The following GRID1 variants were observed in gnomAD, a reference collection of about 807,000 sequenced individuals.
The protein encoded by GRID1 is glutamate ionotropic receptor delta type subunit 1.
A neutral mutation model predicts 98.0 loss-of-function variants in GRID1; 28 were observed. The observed-to-expected ratio is 0.29, with a 90% CI of 0.21 to 0.39. The LOEUF (loss-of-function observed/expected upper bound fraction) is 0.39. Ranked by LOEUF, GRID1 falls within the 10% of genes least tolerant of loss-of-function variation. The pLI, the probability that GRID1 is intolerant of heterozygous loss-of-function variation, is 1.00. For synonymous variants in GRID1, 553 were observed against 538.5 expected, an observed-to-expected ratio of 1.03 and a Z score of -0.37; for missense variants, 1,111 against 1,340.5, an observed-to-expected ratio of 0.83 and a Z score of 2.67.
At chr10:85,813,933 G>A (rs1031661244) in intron 8 of GRID1, among the ~76,000 whole-genome samples, 10 of 151,586 alleles carry the variant, frequency 6.6e-5, no homozygotes, top group African/African-American at 2.2e-4. Context: ...TTAATGCTAC[G>A]TAAATCCCTT....
In GRID1 at chr10:86,173,451, AT is replaced by A. The variant is rs536427725; in HGVS notation, c.520+32912del. On this transcript the variant is annotated intron_variant, in intron 3 of 15. Coordinates refer to ENST00000327946, the MANE Select transcript of GRID1 (RefSeq NM_017551.3). ...TTCACATCTTCCCATGGTCACACAC[AT>A]TTTTTTTTATAATTTTTTCAAATCA... 3.2e-3 allele frequency among the ~76,000 whole-genome samples: 482 copies of A among 151,666 alleles called. 2 individuals are homozygous for A. Among genetic ancestry groups the A allele is most frequent in the African/African-American group, 0.011 (449 of 41,370 alleles).
intron 8 of GRID1, among the ~76,000 whole-genome samples, chr10:85,752,698 T>C (rs912507818): frequency 1.8e-4 from 28 of 152,334 alleles, no homozygotes; most frequent in African/African-American, 6.7e-4. Flanking sequence ...ACTGTTATTT[T>C]TTCTACCTCA....
Position 85,831,443 on chromosome 10 carries a change from A to T in GRID1, c.1233+23053T>A, listed in dbSNP as rs534567043. On this transcript the variant is annotated intron_variant, in intron 8 of 15. Transcript: ENST00000327946. The stretch of plus-strand genomic sequence containing the variant: ...TACCCCTGAAGCTAAAATAAGTTTT[A>T]TAAGATATAAAATAAAAATAAGAAA... Among the ~76,000 whole-genome samples, 28 of 149,276 alleles carry T rather than the reference A, an allele frequency of 1.9e-4. No individual in the cohort carries two copies. In the South Asian group the frequency reaches 6.0e-3, roughly 32 times the overall value.
At chr10:86,256,627 T>C (rs1398787698) in intron 2 of GRID1, among the ~76,000 whole-genome samples, 2 of 152,178 alleles carry the variant, frequency 1.3e-5, no homozygotes, top group African/African-American at 2.4e-5. Flanking sequence ...CATATATGTA[T>C]ATATAATTCA....
chr10:85,751,846 T>C (rs1186127328), intron 8 of GRID1, among the ~76,000 whole-genome samples: 1 of 152,170 alleles, frequency 6.6e-6, no homozygotes, highest in Admixed American at 6.5e-5. Flanking sequence ...TTGATGTGCT[T>C]TTATAATGAG....
intron 5 of GRID1, among the ~76,000 whole-genome samples, chr10:85,901,768 T>C (rs914077052): frequency 1.3e-5 from 2 of 152,188 alleles, no homozygotes; most frequent in Non-Finnish European, 2.9e-5. Context: ...CACTTCTTCC[T>C]CGGTCCTGCT....
At chr10:85,781,020 A>T (rs1276977967) in intron 8 of GRID1, among the ~76,000 whole-genome samples, 1 of 152,216 alleles carries the variant, frequency 6.6e-6, no homozygotes, top group Non-Finnish European at 1.5e-5. Flanking sequence ...CCAAGCAGCC[A>T]CTGGGCTCAG....
chr10:85,767,568 G>A (rs1842209927), intron 8 of GRID1, among the ~76,000 whole-genome samples: 1 of 152,208 alleles, frequency 6.6e-6, no homozygotes, highest in Non-Finnish European at 1.5e-5. Flanking sequence ...TCATTTTGCT[G>A]AAGTTTTGGG....
At chr10:85,648,706 TTATCTCCCTCCTC>T (rs1310231918) in intron 12 of GRID1, among the ~76,000 whole-genome samples, 1 of 152,170 alleles carries the variant, frequency 6.6e-6, no homozygotes, top group African/African-American at 2.4e-5. Flanking sequence ...TGGAATCCCT[TTATCTCCCTCCTC>T]TAACAACACC....
intron 8 of GRID1, among the ~76,000 whole-genome samples, chr10:85,749,794 A>T (rs577209694): frequency 1.3e-5 from 2 of 152,100 alleles, no homozygotes; most frequent in Admixed American, 1.3e-4. Context: ...CCCTAGAACT[A>T]CTCTTAATAG....
chr10:85,690,540 A>T (rs565371797), intron 12 of GRID1, among the ~76,000 whole-genome samples: 1 of 152,314 alleles, frequency 6.6e-6, no homozygotes, highest in East Asian at 1.9e-4. Flanking sequence ...TGAAATCAAG[A>T]CATACCAGGT....
chr10:85,757,472 C>T (rs1342917713), intron 8 of GRID1, among the ~76,000 whole-genome samples: 1 of 152,196 alleles, frequency 6.6e-6, no homozygotes, highest in Non-Finnish European at 1.5e-5. Flanking sequence ...ATAATGATCT[C>T]TGATCAGGGA....
chr10:85,927,194 T>C (rs1196240806), intron 4 of GRID1, among the ~76,000 whole-genome samples: 1 of 152,234 alleles, frequency 6.6e-6, no homozygotes, highest in Non-Finnish European at 1.5e-5. Context: ...CAGCAGGTCC[T>C]GGCACACAAA....
intron 8 of GRID1, among the ~76,000 whole-genome samples, chr10:85,827,410 T>C (rs190640349): frequency 1.5e-4 from 23 of 152,170 alleles, no homozygotes; most frequent in Admixed American, 1.5e-3. Context: ...TTCTCTTAAT[T>C]AAATCAGTCA....
chr10:85,612,484 T>G (rs573028458), intron 15 of GRID1, among the ~76,000 whole-genome samples: 4 of 152,190 alleles, frequency 2.6e-5, no homozygotes, highest in Non-Finnish European at 5.9e-5. Context: ...GAAGTGCTTT[T>G]GGGTTTGATG....
chr10:85,991,546 T>A lies in GRID1; in HGVS notation c.727-75307A>T, dbSNP rs1315619843. Among the ~76,000 whole-genome samples, 3 of 146,966 alleles carry A rather than the reference T, an allele frequency of 2.0e-5. No homozygotes were observed. The South Asian group carries it at 6.4e-4, about 31-fold the overall frequency. ...CCTCTGGGGAGGTGGACAGTGGGAG[T>A]TTGGGCAAGAAAGAGGAGCCTGCGA... On this transcript the variant is annotated intron_variant, in intron 4 of 15. Coordinates refer to ENST00000327946, the MANE Select transcript of GRID1 (RefSeq NM_017551.3).
chr10:85,883,833 C>G (rs1279292793), intron 5 of GRID1, among the ~76,000 whole-genome samples: 1 of 152,114 alleles, frequency 6.6e-6, no homozygotes, highest in East Asian at 1.9e-4. Flanking sequence ...CTGAAGAAAA[C>G]TCCCCGCTCC....
chr10:85,879,194 C>T (rs1187114177), intron 5 of GRID1, among the ~76,000 whole-genome samples: 1 of 152,120 alleles, frequency 6.6e-6, no homozygotes, highest in Non-Finnish European at 1.5e-5. Flanking sequence ...ACCCCACTGT[C>T]AACATTAGAC....
chr10:85,722,108 G>A (rs1248299012), intron 12 of GRID1, among the ~76,000 whole-genome samples: 2 of 152,096 alleles, frequency 1.3e-5, no homozygotes, highest in Admixed American at 6.5e-5. Flanking sequence ...CCTAGGCAAG[G>A]AGTTTAAACT....
Sources: allele counts gnomAD v4.1 joint callset (sites outside exome capture counted in the v4.1 genomes callset), GRCh38; gene constraint gnomAD v4.1.1; transcripts MANE v1.5; gene names NCBI Gene and HGNC (gene_info 2026-07-23, HGNC 2026-07-21).